GSAP: variants seen among roughly 807,000 people sequenced by gnomAD.
GSAP encodes gamma-secretase activating protein.
A neutral mutation model predicts 131.7 loss-of-function variants in GSAP; 118 were observed. That is an observed-to-expected ratio of 0.90 (90% confidence interval 0.77 to 1.04). GSAP has a LOEUF of 1.04. GSAP is among the 50% of genes least tolerant of loss of function. The pLI is 0.00. For synonymous variants in GSAP, 381 were observed against 363.4 expected (o/e 1.05, Z -0.55); for missense variants, 1,019 against 1,013.2 (o/e 1.01, Z -0.08).
intron 1 of GSAP, among the ~76,000 whole-genome samples, chr7:77,407,549 T>C (rs973165883): frequency 6.6e-6 from 1 of 152,210 alleles, no homozygotes; most frequent in Non-Finnish European, 1.5e-5. Flanking sequence ...TTTCATTCTA[T>C]TACCTATTGT....
rs544426574 is a variant in GSAP at position 77,359,294 on chromosome 7, T to C, written c.1027+1530A>G. Among the ~76,000 whole-genome samples the C allele has an allele frequency of 9.2e-5, 14 of 152,326 alleles. 1 individual carries two copies. The South Asian group carries it at 2.3e-3, about 25-fold the overall frequency. ...GAGCTCACTCTTTCTGAGCCTCAGTTTCATTATCTGTAAAATGGAGATAAT... is the reference window on the plus strand; with the variant it reads ...GAGCTCACTCTTTCTGAGCCTCAGTCTCATTATCTGTAAAATGGAGATAAT... On this transcript the variant is annotated intron_variant, in intron 14 of 30. Coordinates refer to ENST00000257626, the MANE Select transcript of GSAP (RefSeq NM_017439.4).
At chr7:77,348,693 A>T (rs139072692) in intron 19 of GSAP, among the ~76,000 whole-genome samples, 1 of 152,204 alleles carries the variant, frequency 6.6e-6, no homozygotes, top group Non-Finnish European at 1.5e-5. Context: ...CCCTAGTTTT[A>T]ACTACATACA....
intron 1 of GSAP, among the ~76,000 whole-genome samples, chr7:77,413,255 G>A (rs995933374): frequency 6.6e-6 from 1 of 152,208 alleles, no homozygotes; most frequent in Non-Finnish European, 1.5e-5. Context: ...CAAAGAGGAA[G>A]CTTCGGAACT....
At chr7:77,383,182 G>A (rs1268843165) in intron 6 of GSAP, among the ~76,000 whole-genome samples, 2 of 152,088 alleles carry the variant, frequency 1.3e-5, no homozygotes, top group Non-Finnish European at 2.9e-5. Flanking sequence ...GCAAGACTCT[G>A]TCTAAAAATA....
At chr7:77,389,962 T>TA (rs1799210422) in intron 5 of GSAP, among the ~76,000 whole-genome samples, 1 of 152,240 alleles carries the variant, frequency 6.6e-6, no homozygotes, top group Non-Finnish European at 1.5e-5. Context: ...CCTGACTTTT[T>TA]AATGATTGCC....
chr7:77,394,464 A>G (rs1800052496), intron 5 of GSAP, among the ~76,000 whole-genome samples: 1 of 152,116 alleles, frequency 6.6e-6, no homozygotes, highest in African/African-American at 2.4e-5. Context: ...GGCCTTTCCT[A>G]GTATCATTCC....
intron 8 of GSAP, 77 bp from the exon 9 acceptor site, chr7:77,377,467 A>G: frequency 2.1e-6 from 3 of 1,408,386 alleles, no homozygotes; most frequent in Non-Finnish European, 2.8e-6. Context: ...ATTCATAATT[A>G]TTTTCCATGT....
intron 5 of GSAP, among the ~76,000 whole-genome samples, chr7:77,391,150 A>G (rs1027203782): frequency 6.7e-6 from 1 of 149,362 alleles, no homozygotes; most frequent in East Asian, 1.9e-4. Context: ...AAAAAAAAGA[A>G]AAAGAAAAAG....
intron 12 of GSAP, among the ~76,000 whole-genome samples, chr7:77,368,175 C>T (rs1795589890): frequency 6.6e-6 from 1 of 152,148 alleles, no homozygotes; most frequent in Non-Finnish European, 1.5e-5. Flanking sequence ...GGCTCTGTGT[C>T]ACTCCTAGGT....
In GSAP at chr7:77,310,767, T is replaced by TTAATGACTGACAAAATATTCC. The variant is rs1193046549; in HGVS notation, c.*570_*590dup. ...GGCCAAAACTATGTTTTCAGGTTTT[T>TTAATGACTGACAAAATATTCC]TAATGACTGACAAAATATTCCTAAA... On this transcript the variant is annotated 3_prime_UTR_variant, in exon 31 of 31. Transcript: ENST00000257626. 1 of 152,202 alleles carries TTAATGACTGACAAAATATTCC rather than the reference T, an allele frequency of 6.6e-6. No homozygotes were observed. Among genetic ancestry groups the TTAATGACTGACAAAATATTCC allele is most frequent in the Middle Eastern group, 3.2e-3 (1 of 316 alleles). 9.4% of individuals were successfully genotyped at this position (152,202 alleles called of 1,614,324 possible).
chr7:77,361,736 C>G (rs1794546796), intron 13 of GSAP, among the ~76,000 whole-genome samples: 1 of 152,142 alleles, frequency 6.6e-6, no homozygotes, highest in South Asian at 2.1e-4. Context: ...ACAATAACTC[C>G]TTAGCATGGT....
At chr7:77,393,865 G>C (rs28501185) in intron 5 of GSAP, among the ~76,000 whole-genome samples, 18,711 of 151,744 alleles carry the variant, frequency 0.12, 1,655 homozygotes, top group East Asian at 0.4. Context: ...GTAAAGACAG[G>C]GTTTCACCAC....
Position 77,326,292 on chromosome 7 carries a change from ATAGT to A in GSAP, c.1766-23_1766-20del. On this transcript the variant is annotated intron_variant, in intron 22 of 30. Transcript: ENST00000257626. The stretch of plus-strand genomic sequence containing the variant: ...CTTGGCCCTGAAATGAAACAGAGCA[ATAGT>A]TAGGCTCTGAGCAGTTTTCAGGAGA... The A allele has an allele frequency of 6.3e-7, 1 of 1,585,608 alleles. No individual in the cohort carries two copies. The highest frequency in any genetic ancestry group is 8.7e-7 in the Non-Finnish European group (1 of 1,155,984).
chr7:77,387,946 G>T (rs970039886), intron 5 of GSAP, among the ~76,000 whole-genome samples: 1 of 152,182 alleles, frequency 6.6e-6, no homozygotes, highest in East Asian at 1.9e-4. Context: ...ATATAAGAGG[G>T]CCTAACGGGT....
intron 19 of GSAP, among the ~76,000 whole-genome samples, chr7:77,333,289 G>T (rs1789433847): frequency 1.3e-5 from 2 of 152,196 alleles, no homozygotes; most frequent in Non-Finnish European, 2.9e-5. Flanking sequence ...GATATTCCAG[G>T]TGGGACTCTT....
intron 24 of GSAP, among the ~76,000 whole-genome samples, chr7:77,323,016 T>G (rs1335438434): frequency 8.5e-5 from 13 of 152,362 alleles, no homozygotes; most frequent in Admixed American, 4.6e-4. Flanking sequence ...AACATTTTTT[T>G]GAATTTGTCA....
chr7:77,378,475 G>A (rs573438679), intron 8 of GSAP, among the ~76,000 whole-genome samples: 2 of 150,656 alleles, frequency 1.3e-5, no homozygotes, highest in South Asian at 4.2e-4. Flanking sequence ...CAGAGCAAGA[G>A]TCCATCTCAA....
intron 19 of GSAP, among the ~76,000 whole-genome samples, chr7:77,345,763 C>T (rs1791707499): frequency 1.3e-5 from 2 of 152,144 alleles, no homozygotes; most frequent in Non-Finnish European, 1.5e-5. Flanking sequence ...AACGGCCCCA[C>T]CCCATCTCCC....
chr7:77,347,530 G>C (rs1014300953), intron 19 of GSAP, among the ~76,000 whole-genome samples: 1 of 152,084 alleles, frequency 6.6e-6, no homozygotes, highest in Non-Finnish European at 1.5e-5. Context: ...CAGTGTGAGA[G>C]AGAGGGAAAA....
Sources: allele counts gnomAD v4.1 joint callset (sites outside exome capture counted in the v4.1 genomes callset), GRCh38; gene constraint gnomAD v4.1.1; transcripts MANE v1.5; gene names NCBI Gene and HGNC (gene_info 2026-07-23, HGNC 2026-07-21).